Variants in CDK2 observed in about 807,000 individuals in gnomAD.
The protein encoded by CDK2 is cyclin-dependent kinase 2.
CDK2 carries 8 observed loss-of-function variants against 35.0 expected under a neutral mutation model. The observed-to-expected ratio is 0.23, with a 90% CI of 0.13 to 0.41. The LOEUF (loss-of-function observed/expected upper bound fraction) is 0.41. Among genes scored for constraint, CDK2 ranks in the 10% least tolerant of loss-of-function variants. The probability of loss-of-function intolerance (pLI) is 1.00; values close to 1 mark genes in which losing one functional copy is unlikely to be tolerated. For missense variants in CDK2, 201 were observed against 367.1 expected, an observed-to-expected ratio of 0.55 and a Z score of 3.70; for synonymous variants, 134 against 137.7, an observed-to-expected ratio of 0.97 and a Z score of 0.19.
chr12:55,969,598 C>T, intron 5 of CDK2, 22 bp downstream of exon 5: 1 of 1,419,028 alleles, frequency 7.0e-7, no homozygotes, highest in Non-Finnish European at 9.8e-7. Flanking sequence ...TGCCCAAGTT[C>T]CACCCAGCCC....
intron 1 of CDK2, 91 bp from the exon 2 acceptor site, chr12:55,967,766 G>A (rs1379063723): frequency 9.7e-7 from 1 of 1,028,484 alleles, no homozygotes; most frequent in East Asian, 2.4e-5. Flanking sequence ...GGTGCTGGGT[G>A]GTGTCTCCTT....
rs1889495288 is a variant in CDK2 at position 55,972,189 on chromosome 12, C to T, written c.*564C>T. The T allele has an allele frequency of 6.6e-6, 1 of 152,446 alleles. No homozygotes were observed. The allele number at this position is 152,446 out of a possible 1,614,324, so 9.4% of individuals were successfully genotyped here. On this transcript the variant is annotated 3_prime_UTR_variant, in exon 7 of 7. Coordinates refer to ENST00000266970, the MANE Select transcript of CDK2 (RefSeq NM_001798.5). ...CTAATAGGCTGGGAGACTGAAGACT[C>T]AGCCCGGGTGGGGCTGCAGAAAAAT...
In CDK2 at chr12:55,971,608, C is replaced by A; in HGVS notation, c.880C>A (p.Pro294Thr). Residue 294 changes from proline to threonine, a missense_variant, in exon 7 of 7, where the codon CCC becomes ACC. Pro to Thr is a conservative substitution (Grantham distance 38, BLOSUM62 -1). Coordinates refer to ENST00000266970, the MANE Select transcript of CDK2 (RefSeq NM_001798.5). The part of the protein sequence containing the change: ...PFFQDVTKPV[P>T]HLRL ...CTTCCAGGATGTGACCAAGCCAGTA[C>A]CCCATCTTCGACTCTGATAGCCTTC... 1.2e-6 allele frequency: 2 copies of A among 1,613,174 alleles called. No homozygotes were observed. The highest frequency in any genetic ancestry group is 8.5e-7 in the Non-Finnish European group (1 of 1,179,114).
Position 55,971,712 on chromosome 12 carries a change from G to C in CDK2, c.*87G>C. 1 of 958,256 alleles carries C rather than the reference G, an allele frequency of 1.0e-6. No homozygotes were observed. The highest frequency in any genetic ancestry group is 1.7e-6 in the Non-Finnish European group (1 of 603,018). 59.4% of individuals were successfully genotyped at this position (958,256 alleles called of 1,614,324 possible). On this transcript the variant is annotated 3_prime_UTR_variant, in exon 7 of 7. Transcript: ENST00000266970. ...CTTGGCCTTGGGCTATTTGGACTCA[G>C]GTGGGCCCTCTGAACTTGCCTTAAA...
At chr12:55,970,620 A>G in intron 5 of CDK2, 2 of 702,362 alleles carry the variant, frequency 2.8e-6, no homozygotes, top group Middle Eastern at 2.3e-4. Context: ...ACCCAGCACC[A>G]TGCTAGGTGC....
At position 55,966,919 on chromosome 12, in the gene CDK2, C is replaced by A. The variant is rs1889329249; in HGVS notation, c.-90C>A. 24 of 1,110,630 alleles carry A rather than the reference C, an allele frequency of 2.2e-5. 1 individual carries two copies. The South Asian group carries it at 2.9e-4, about 14-fold the overall frequency. The allele number at this position is 1,110,630 out of a possible 1,614,324, so 68.8% of individuals were successfully genotyped here. On this transcript the variant is annotated 5_prime_UTR_variant, in exon 1 of 7. Transcript: ENST00000266970. ...CCACGGTACTGGGCCCTGTTTCCCC[C>A]TCCTCGGCCCCCGAGAGCCAGGGTC...
Position 55,968,953 on chromosome 12 carries a change from G to A in CDK2, c.486+5G>A, listed in dbSNP as rs1009283198. 10 of 1,552,208 alleles carry A rather than the reference G, an allele frequency of 6.4e-6. No homozygotes were observed. Among genetic ancestry groups the A allele is most frequent in the Non-Finnish European group, 8.7e-6 (10 of 1,151,870 alleles). ...GTTCGTACTTACACCCATGAGGTGA[G>A]TCCCTTTATGTCTTTTTTCTCTGAG... On this transcript the variant is annotated splice_donor_5th_base_variant and intron_variant, in intron 4 of 6. Transcript: ENST00000266970.
At chr12:55,968,505 T>C (rs936607115) in intron 3 of CDK2, among the ~76,000 whole-genome samples, 2 of 152,120 alleles carry the variant, frequency 1.3e-5, no homozygotes, top group African/African-American at 4.8e-5. Context: ...GTCCCTATTG[T>C]CTATTTTAGG....
chr12:55,968,362 AAGTTGAAACTCT>A (rs1314963074), intron 3 of CDK2, 193 bp downstream of exon 3: 2 of 596,578 alleles, frequency 3.4e-6, no homozygotes, highest in Non-Finnish European at 5.7e-6. Context: ...TGAACAATCA[AAGTTGAAACTCT>A]AGTGAGTCAA....
rs1004841408 is a variant in CDK2 at position 55,966,855 on chromosome 12, A to G, written c.-154A>G. On this transcript the variant is annotated 5_prime_UTR_variant, in exon 1 of 7. Coordinates refer to ENST00000266970, the MANE Select transcript of CDK2 (RefSeq NM_001798.5). ...ATTGTTTCAAGTTGGCCAAATTGAC[A>G]AGAGCGAGAGGTATACTGCGTTCCA... 2 of 838,002 alleles carry G rather than the reference A, an allele frequency of 2.4e-6. No individual in the cohort carries two copies. The highest frequency in any genetic ancestry group is 1.7e-5 in the African/African-American group (1 of 57,860). The allele number at this position is 838,002 out of a possible 1,614,324, so 51.9% of individuals were successfully genotyped here. A position where few individuals can be genotyped will look rare whatever the true frequency, so the allele number is the denominator to read the frequency against.
At chr12:55,967,291 T>C in intron 1 of CDK2, 167 bp downstream of exon 1, 2 of 620,662 alleles carry the variant, frequency 3.2e-6, no homozygotes, top group Admixed American at 2.7e-5. Flanking sequence ...AGTATACTTA[T>C]ACTCCCTGGG....
chr12:55,970,812 C>T, intron 5 of CDK2: 1 of 696,192 alleles, frequency 1.4e-6, no homozygotes, highest in Non-Finnish European at 2.6e-6. Context: ...CAGACCCACC[C>T]AGCCTTGGGG....
At chr12:55,968,990 G>A in intron 4 of CDK2, 42 bp downstream of exon 4, 5 of 1,426,802 alleles carry the variant, frequency 3.5e-6, no homozygotes, top group Non-Finnish European at 3.8e-6. Flanking sequence ...TTCCCAAGAG[G>A]TGTTAACTAG....
chr12:55,971,355 C>G (rs1889469744), intron 6 of CDK2, 108 bp downstream of exon 6: 1 of 1,177,998 alleles, frequency 8.5e-7, no homozygotes, highest in African/African-American at 1.5e-5. Context: ...TTTCATTTCC[C>G]TGGTTCCTGC....
intron 1 of CDK2, chr12:55,967,457 C>T: frequency 2.4e-6 from 1 of 416,572 alleles, no homozygotes; most frequent in Non-Finnish European, 4.4e-6. Flanking sequence ...TGGGAACCGG[C>T]GAGAATCGCC....
At chr12:55,971,453 T>C in intron 6 of CDK2, 68 bp from the exon 7 acceptor site, 1 of 1,283,650 alleles carries the variant, frequency 7.8e-7, no homozygotes, top group Admixed American at 1.7e-5. Flanking sequence ...TCCTGATTTC[T>C]GGGAACACCT....
rs1889473914 is a variant in CDK2 at position 55,971,538 on chromosome 12, C to T, written c.810C>T (p.Asp270=). 6.2e-7 allele frequency: 1 copy of T among 1,613,826 alleles called. No homozygotes were observed. Among genetic ancestry groups the T allele is most frequent in the African/African-American group, 1.3e-5 (1 of 74,902 alleles). ...CCCTCTAGCAAATGCTGCACTACGA[C>T]CCTAACAAGCGGATTTCGGCCAAGG... ...RSLLSQMLHY[D]PNKRISAKAA... is the part of the protein sequence containing the mutation. The change falls in exon 7 of 7, where the codon GAC becomes GAT. Residue 270 remains aspartate, a synonymous_variant. Transcript: ENST00000266970.
At chr12:55,969,730 A>G (rs944940933) in intron 5 of CDK2, 154 bp downstream of exon 5, 2 of 475,000 alleles carry the variant, frequency 4.2e-6, no homozygotes, top group African/African-American at 4.0e-5. Flanking sequence ...AAAGGATGCA[A>G]CTGTTGCCCT....
In CDK2 at chr12:55,966,885, G is replaced by T; in HGVS notation, c.-124G>T. ...CGAGAGGTATACTGCGTTCCATCCC[G>T]ACCCGGGGCCACGGTACTGGGCCCT... is the stretch of plus-strand genomic sequence containing the variant. On this transcript the variant is annotated 5_prime_UTR_variant, in exon 1 of 7. Transcript: ENST00000266970. The T allele has an allele frequency of 1.1e-6, 1 of 921,560 alleles. No individual in the cohort carries two copies. The highest frequency in any genetic ancestry group is 1.6e-6 in the Non-Finnish European group (1 of 610,920). 57.1% of individuals were successfully genotyped at this position (921,560 alleles called of 1,614,324 possible). A position where few individuals can be genotyped will look rare whatever the true frequency, so the allele number is the denominator to read the frequency against.
Sources: gnomAD v4.1 joint callset for allele counts (sites outside exome capture counted in the v4.1 genomes callset) on GRCh38, gnomAD v4.1.1 for gene constraint, MANE v1.5 for transcripts, NCBI Gene and HGNC (gene_info 2026-07-23, HGNC 2026-07-21) for gene names.